DNM1: variants seen among roughly 807,000 people sequenced by gnomAD.
DNM1 encodes the protein dynamin 1.
DNM1 carries 29 observed loss-of-function variants against 104.6 expected under a neutral mutation model. The observed-to-expected ratio is 0.28, with a 90% CI of 0.21 to 0.38. DNM1 has a LOEUF of 0.38. DNM1 is among the 10% of genes least tolerant of loss of function. DNM1 has a pLI of 1.00. For missense variants in DNM1, 640 were observed against 1,189.4 expected, an observed-to-expected ratio of 0.54 and a Z score of 6.79; for synonymous variants, 445 against 475.8, an observed-to-expected ratio of 0.94 and a Z score of 0.84.
rs2131160156 is a variant in DNM1, at chr9:128,220,725, AAG to A, written c.849+385_849+386del. Among the ~76,000 whole-genome samples, 2 of 48,920 alleles carry A rather than the reference AAG, an allele frequency of 4.1e-5. No individual in the cohort carries two copies. The highest frequency in any genetic ancestry group is 4.0e-3 in the East Asian group (2 of 494). The allele number at this position is 48,920 out of a possible 152,430, so 32.1% of individuals were successfully genotyped here. A position where few individuals can be genotyped will look rare whatever the true frequency, so the allele number is the denominator to read the frequency against. ...ATCTGGAATGGGGCATCCAGAACTG[AAG>A]TGCGCGCGCGCGCGCGTGTGTGTGT... On this transcript the variant is annotated intron_variant, in intron 6 of 21. Transcript: ENST00000372923. The surrounding 1 kb of genome is among the most constrained non-coding windows in gnomAD (Gnocchi z 5.2).
chr9:128,226,685 A>G (rs1299713363), intron 10 of DNM1, among the ~76,000 whole-genome samples: 3 of 152,218 alleles, frequency 2.0e-5, no homozygotes, highest in Non-Finnish European at 4.4e-5. Context: ...GCCTGAAAGC[A>G]TATTGGATTA....
At chr9:128,250,386 G>GCC in intron 20 of DNM1, 30 bp downstream of exon 20, 1 of 1,537,190 alleles carries the variant, frequency 6.5e-7, no homozygotes. Flanking sequence ...CGGCCCCAAA[G>GCC]CCCCCCAGCC....
chr9:128,217,188 G>A (rs1174694598), intron 1 of DNM1, among the ~76,000 whole-genome samples: 4 of 152,206 alleles, frequency 2.6e-5, no homozygotes, highest in Non-Finnish European at 5.9e-5. Flanking sequence ...AAGGCGGCTC[G>A]GTTCACAGGG....
At chr9:128,210,348 C>CATTATTATTATTATT (rs61012054) in intron 1 of DNM1, among the ~76,000 whole-genome samples, 7,050 of 141,550 alleles carry the variant, frequency 0.05, 201 homozygotes, top group Middle Eastern at 0.083. Context: ...ATTTATTTGG[C>CATTATTATTATTATT]ATTATTATTA....
rs2131289797 is a variant in DNM1 at position 128,247,997 on chromosome 9, G to C, written c.1905+62G>C. The C allele has an allele frequency of 6.2e-7, 1 of 1,610,064 alleles. No individual in the cohort carries two copies. The highest frequency in any genetic ancestry group is 2.2e-5 in the East Asian group (1 of 44,850). On this transcript the variant is annotated intron_variant, in intron 18 of 21. Transcript: ENST00000372923. The surrounding 1 kb of genome is among the most constrained non-coding windows in gnomAD (Gnocchi z 5.1). ...TGCAGCCTGGCACCAGCTCCAGCCA[G>C]GTTTTCAAGCAAGGGACCTGGAGAT... is the stretch of plus-strand genomic sequence containing the variant.
chr9:128,220,742 C>CGCGCGCGCGTGTGTGTGT lies in DNM1; in HGVS notation c.849+402_849+403insCGCGCGCGTGTGTGTGTG, dbSNP rs61020870. Reference sequence around the variant, plus strand: ...CAGAACTGAAGTGCGCGCGCGCGCGCGTGTGTGTGTGTGTGTGTGTGTGTG... The same window carrying CGCGCGCGCGTGTGTGTGT: ...CAGAACTGAAGTGCGCGCGCGCGCGCGCGCGCGCGTGTGTGTGTGTGTGTGTGTGTGTGTGTGTGTGTG... On this transcript the variant is annotated intron_variant, in intron 6 of 21. Coordinates refer to ENST00000372923, the MANE Select transcript of DNM1 (RefSeq NM_004408.4). The surrounding 1 kb of genome is among the most constrained non-coding windows in gnomAD (Gnocchi z 5.2). Among the ~76,000 whole-genome samples, 6 of 136,364 alleles carry CGCGCGCGCGTGTGTGTGT rather than the reference C, an allele frequency of 4.4e-5. No individual in the cohort carries two copies. Among genetic ancestry groups the CGCGCGCGCGTGTGTGTGT allele is most frequent in the African/African-American group, 1.6e-4 (6 of 37,810 alleles). 89.5% of individuals were successfully genotyped at this position (136,364 alleles called of 152,430 possible). A position where few individuals can be genotyped will look rare whatever the true frequency, so the allele number is the denominator to read the frequency against.
At position 128,254,166 on chromosome 9, in the gene DNM1, G is replaced by C; in HGVS notation, c.2535-488G>C. On this transcript the variant is annotated intron_variant, in intron 21 of 21. Transcript: ENST00000372923. This position sits in a 1 kb window ranked among gnomAD's most constrained non-coding sequence, Gnocchi z 6.1. The stretch of plus-strand genomic sequence containing the variant: ...GTCCTGGGTTTTCTGAACACCCAGA[G>C]GGGCCTCCGGCGCTCCCTCCAGCCA... 2.3e-6 allele frequency: 3 copies of C among 1,306,818 alleles called. No homozygotes were observed. Among genetic ancestry groups the C allele is most frequent in the Non-Finnish European group, 2.9e-6 (3 of 1,035,052 alleles). The allele number at this position is 1,306,818 out of a possible 1,614,324, so 81.0% of individuals were successfully genotyped here. A position where few individuals can be genotyped will look rare whatever the true frequency, so the allele number is the denominator to read the frequency against.
rs1264910587 is a variant in DNM1 at position 128,253,931 on chromosome 9, G to A, written c.2535-723G>A. On this transcript the variant is annotated intron_variant, in intron 21 of 21. Coordinates refer to ENST00000372923, the MANE Select transcript of DNM1 (RefSeq NM_004408.4). The surrounding 1 kb of genome is among the most constrained non-coding windows in gnomAD (Gnocchi z 5.9). ...GCCAAGGGGACGACCGTGCCTGCTG[G>A]CCCAGCTGAGCTCCGCCCAGTGAGC... 20 of 1,232,642 alleles carry A rather than the reference G, an allele frequency of 1.6e-5. No homozygotes were observed. The highest frequency in any genetic ancestry group is 2.0e-5 in the Non-Finnish European group (20 of 988,560). The allele number at this position is 1,232,642 out of a possible 1,614,324, so 76.4% of individuals were successfully genotyped here.
Position 128,247,577 on chromosome 9 carries a change from C to G in DNM1, c.1893+91C>G. Reference sequence around the variant, plus strand: ...GTGATGCCAAGTCATGCCATGTTTCCGAGCCCTTATTTGGCTCAGAAATAA... The same window carrying G: ...GTGATGCCAAGTCATGCCATGTTTCGGAGCCCTTATTTGGCTCAGAAATAA... On this transcript the variant is annotated intron_variant, in intron 17 of 21. Coordinates refer to ENST00000372923, the MANE Select transcript of DNM1 (RefSeq NM_004408.4). This position sits in a 1 kb window ranked among gnomAD's most constrained non-coding sequence, Gnocchi z 5.1. 9.1e-7 allele frequency: 1 copy of G among 1,094,096 alleles called. No homozygotes were observed. The highest frequency in any genetic ancestry group is 1.4e-5 in the South Asian group (1 of 71,828). The allele number at this position is 1,094,096 out of a possible 1,614,324, so 67.8% of individuals were successfully genotyped here.
chr9:128,217,457 C>T (rs974556430), intron 1 of DNM1, among the ~76,000 whole-genome samples: 1 of 152,116 alleles, frequency 6.6e-6, no homozygotes, highest in Non-Finnish European at 1.5e-5. Context: ...GCTCTTGTCG[C>T]CTAGGCTGGA....
In DNM1 at chr9:128,250,835, G is replaced by T. The variant is rs888747029; in HGVS notation, c.2429G>T (p.Gly810Val). Reference protein sequence around the residue: ...PGPPPAGSALGGAPPVPSRPG... With the variant: ...PGPPPAGSALVGAPPVPSRPG... ...CCTCCGCCTGCTGGGTCCGCCCTGG[G>T]GGGGGCGCCCCCCGTGCCCTCCAGG... The change falls in exon 21 of 22, where the codon GGG becomes GTG. Residue 810 changes from glycine to valine, a missense_variant. By Grantham distance (109) the Gly-to-Val change is moderately radical (BLOSUM62 -3). Transcript: ENST00000372923. The T allele has an allele frequency of 6.8e-5, 89 of 1,309,570 alleles. 1 individual carries two copies. The African/African-American group carries it at 1.2e-3, about 18-fold the overall frequency. 81.1% of individuals were successfully genotyped at this position (1,309,570 alleles called of 1,614,324 possible). A position where few individuals can be genotyped will look rare whatever the true frequency, so the allele number is the denominator to read the frequency against.
rs1836777320 is a variant in DNM1 at position 128,245,969 on chromosome 9, C to A, written c.1672-425C>A. Among the ~76,000 whole-genome samples, 2 of 152,228 alleles carry A rather than the reference C, an allele frequency of 1.3e-5. No homozygotes were observed. The highest frequency in any genetic ancestry group is 2.9e-5 in the Non-Finnish European group (2 of 68,042). Reference sequence around the variant, plus strand: ...GGGGAGCTCGGGGGAGTGGGCTGAGCCGGCCCTTTGAAGCCGCCGGGTCTG... The same window carrying A: ...GGGGAGCTCGGGGGAGTGGGCTGAGACGGCCCTTTGAAGCCGCCGGGTCTG... On this transcript the variant is annotated intron_variant, in intron 15 of 21. Coordinates refer to ENST00000372923, the MANE Select transcript of DNM1 (RefSeq NM_004408.4). This position sits in a 1 kb window ranked among gnomAD's most constrained non-coding sequence, Gnocchi z 5.2.
In DNM1 at chr9:128,220,925, C is replaced by CTTTCT. The variant is rs1414378140; in HGVS notation, c.849+587_849+591dup. 2.3e-5 allele frequency among the ~76,000 whole-genome samples: 3 copies of CTTTCT among 131,768 alleles called. No homozygotes were observed. The highest frequency in any genetic ancestry group is 3.5e-5 in the Non-Finnish European group (2 of 57,604). The allele number at this position is 131,768 out of a possible 152,430, so 86.4% of individuals were successfully genotyped here. ...TCTTTCTTTCTTTCTTTCTTTCTTT[C>CTTTCT]TTTCTTTCTTTTCTTTTCTTTCTTT... is the stretch of plus-strand genomic sequence containing the variant. On this transcript the variant is annotated intron_variant, in intron 6 of 21. Coordinates refer to ENST00000372923, the MANE Select transcript of DNM1 (RefSeq NM_004408.4). The surrounding 1 kb of genome is among the most constrained non-coding windows in gnomAD (Gnocchi z 5.2).
At chr9:128,223,070 C>T (rs1296252702) in intron 9 of DNM1, 3 of 581,102 alleles carry the variant, frequency 5.2e-6, no homozygotes, top group Non-Finnish European at 9.1e-6. Context: ...ACTTGCTGGG[C>T]CAACTGGGCA....
chr9:128,204,772 G>C (rs1009869374), intron 1 of DNM1: 1 of 152,482 alleles, frequency 6.6e-6, no homozygotes, highest in Non-Finnish European at 1.5e-5. Flanking sequence ...TTCTTCCAAT[G>C]ACCTTCAGGG....
chr9:128,238,181 G>A (rs1040260355), intron 11 of DNM1, among the ~76,000 whole-genome samples: 3 of 151,896 alleles, frequency 2.0e-5, no homozygotes, highest in African/African-American at 4.8e-5. Flanking sequence ...CCCAACACTT[G>A]TGTCATGCTG....
In DNM1 at chr9:128,222,506, C is replaced by T; in HGVS notation, c.1038C>T (p.Gly346=). The T allele has an allele frequency of 6.2e-7, 1 of 1,614,178 alleles. No individual in the cohort carries two copies. The highest frequency in any genetic ancestry group is 8.5e-7 in the Non-Finnish European group (1 of 1,180,018). ...FAVDFEKRIE[G]SGDQIDTYEL... ...TAGACTTTGAGAAGCGCATTGAGGG[C>T]TCAGGAGATCAGATCGACACCTACG... is the stretch of plus-strand genomic sequence containing the variant. The change falls in exon 8 of 22, where the codon GGC becomes GGT. Residue 346 remains glycine (G), a synonymous_variant. Coordinates refer to ENST00000372923, the MANE Select transcript of DNM1 (RefSeq NM_004408.4). This position sits in a 1 kb window ranked among gnomAD's most constrained non-coding sequence, Gnocchi z 7.8.
intron 13 of DNM1, 36 bp from the exon 14 acceptor site, chr9:128,239,949 A>T: frequency 4.3e-6 from 7 of 1,613,706 alleles, no homozygotes; most frequent in Non-Finnish European, 5.9e-6. Flanking sequence ...TCTCTCCCCG[A>T]TGCCTCTCGT....
chr9:128,234,728 T>A (rs1375072132), intron 11 of DNM1: 1 of 151,976 alleles, frequency 6.6e-6, no homozygotes, highest in Non-Finnish European at 1.5e-5. Flanking sequence ...AACACTAACA[T>A]CCCATTCCCT....
Sources: gnomAD v4.1 joint callset for allele counts (sites outside exome capture counted in the v4.1 genomes callset) on GRCh38, gnomAD v4.1.1 for gene constraint, Gnocchi (gnomAD v3.1) non-coding constraint, MANE v1.5 for transcripts, NCBI Gene and HGNC (gene_info 2026-07-23, HGNC 2026-07-21) for gene names.